Variants in RBFOX1 observed in about 807,000 individuals in gnomAD.
RBFOX1 encodes RNA binding fox-1 homolog 1.
A neutral mutation model predicts 57.7 loss-of-function variants in RBFOX1; 8 were observed. That is an observed-to-expected ratio of 0.14 (90% confidence interval 0.08 to 0.25). The LOEUF is 0.25. Among genes scored for constraint, RBFOX1 ranks in the 10% least tolerant of loss-of-function variants. The probability of loss-of-function intolerance (pLI) is 1.00; values close to 1 mark genes in which losing one functional copy is unlikely to be tolerated. For synonymous variants in RBFOX1, 326 were observed against 222.4 expected (o/e 1.47, Z -4.15); for missense variants, 611 against 548.5 (o/e 1.11, Z -1.14).
At chr16:5,944,707 C>T (rs935719309) in intron 4 of RBFOX1, among the ~76,000 whole-genome samples, 76 of 148,316 alleles carry the variant, frequency 5.1e-4, no homozygotes, top group African/African-American at 1.7e-3. Flanking sequence ...GTAATCCCAG[C>T]ACTTTGAGAG....
At chr16:5,753,414 G>C (rs2151625311) in intron 3 of RBFOX1, among the ~76,000 whole-genome samples, 1 of 152,256 alleles carries the variant, frequency 6.6e-6, no homozygotes, top group Admixed American at 6.5e-5. Flanking sequence ...TACTTGTGTA[G>C]AATTTTGGCT....
intron 2 of RBFOX1, among the ~76,000 whole-genome samples, chr16:6,606,633 A>T (rs932006415): frequency 6.6e-6 from 1 of 152,050 alleles, no homozygotes; most frequent in African/African-American, 2.4e-5. Context: ...TTTCTGTGTT[A>T]GTTTGCTAAG....
chr16:6,675,752 C>A (rs905303922), intron 3 of RBFOX1, among the ~76,000 whole-genome samples: 11 of 152,136 alleles, frequency 7.2e-5, no homozygotes, highest in Non-Finnish European at 8.8e-5. Context: ...ACCATCAGAT[C>A]TTGTGAGATT....
At chr16:6,518,472 A>G (rs537447884) in intron 2 of RBFOX1, among the ~76,000 whole-genome samples, 4 of 152,124 alleles carry the variant, frequency 2.6e-5, no homozygotes, top group Non-Finnish European at 5.9e-5. Context: ...TATTATACAG[A>G]TGGGCACACT....
chr16:6,822,973 C>T (rs1006905429), intron 3 of RBFOX1, among the ~76,000 whole-genome samples: 6 of 152,166 alleles, frequency 3.9e-5, no homozygotes, highest in Admixed American at 3.9e-4. Flanking sequence ...AAACGATGAT[C>T]CCTAACAGCT....
intron 3 of RBFOX1, among the ~76,000 whole-genome samples, chr16:6,745,813 G>A (rs890592611): frequency 2.6e-5 from 4 of 152,124 alleles, no homozygotes; most frequent in African/African-American, 7.2e-5. Flanking sequence ...GAGGTAAAAG[G>A]CATCTGTTTA....
chr16:6,833,791 A>C (rs569713094), intron 3 of RBFOX1, among the ~76,000 whole-genome samples: 1 of 152,334 alleles, frequency 6.6e-6, no homozygotes, highest in Admixed American at 6.5e-5. Flanking sequence ...GTGAAGGACT[A>C]GCATTGAGGT....
intron 3 of RBFOX1, among the ~76,000 whole-genome samples, chr16:5,847,661 C>T (rs1567619410): frequency 1.3e-5 from 2 of 151,872 alleles, no homozygotes; most frequent in African/African-American, 4.8e-5. Flanking sequence ...GCTATATGGC[C>T]CTCCGGAGGC....
At chr16:6,064,780 C>G (rs1260218325) in intron 1 of RBFOX1, among the ~76,000 whole-genome samples, 1 of 151,980 alleles carries the variant, frequency 6.6e-6, no homozygotes, top group Non-Finnish European at 1.5e-5. Context: ...TTCAGAAGGT[C>G]TTTTGTGTGT....
At chr16:6,895,413 AAT>A (rs199590751) in intron 3 of RBFOX1, among the ~76,000 whole-genome samples, 14,313 of 105,392 alleles carry the variant, frequency 0.14, 1,206 homozygotes, top group African/African-American at 0.2. Flanking sequence ...AGTTGTTAGT[AAT>A]ATATGTGTGT....
At chr16:5,784,129 A>G (rs2054417171) in intron 3 of RBFOX1, among the ~76,000 whole-genome samples, 1 of 152,176 alleles carries the variant, frequency 6.6e-6, no homozygotes, top group Non-Finnish European at 1.5e-5. Flanking sequence ...GAAGGTGAAG[A>G]GGAAGCAGGC....
intron 2 of RBFOX1, among the ~76,000 whole-genome samples, chr16:5,586,786 C>G (rs1158787290): frequency 2.6e-5 from 4 of 152,202 alleles, no homozygotes; most frequent in Non-Finnish European, 5.9e-5. Context: ...TGTAAGCCAC[C>G]ATGGCTGGCC....
chr16:6,745,551 C>G (rs1044139270), intron 3 of RBFOX1, among the ~76,000 whole-genome samples: 1 of 152,094 alleles, frequency 6.6e-6, no homozygotes, highest in African/African-American at 2.4e-5. Context: ...TGAACTAACA[C>G]AATTATTTTA....
intron 3 of RBFOX1, among the ~76,000 whole-genome samples, chr16:6,883,814 T>C (rs899920126): frequency 6.6e-6 from 1 of 152,018 alleles, no homozygotes; most frequent in African/African-American, 2.4e-5. Context: ...TTCTTTTCTC[T>C]ATTATTATCT....
At chr16:6,294,211 G>T (rs1458837187) in intron 1 of RBFOX1, among the ~76,000 whole-genome samples, 3 of 152,094 alleles carry the variant, frequency 2.0e-5, no homozygotes, top group African/African-American at 7.2e-5. Context: ...TTTTCTGCAT[G>T]GGGCCAAACA....
intron 13 of RBFOX1, among the ~76,000 whole-genome samples, chr16:7,672,420 C>T (rs2071771122): frequency 6.6e-6 from 1 of 152,020 alleles, no homozygotes; most frequent in Non-Finnish European, 1.5e-5. Flanking sequence ...TTTTTGTAAA[C>T]CATGAGAATT....
intron 4 of RBFOX1, among the ~76,000 whole-genome samples, chr16:7,282,253 C>A (rs993137191): frequency 6.6e-6 from 1 of 152,140 alleles, no homozygotes; most frequent in Non-Finnish European, 1.5e-5. Flanking sequence ...GACTAACAGT[C>A]AGAGGAACAA....
chr16:7,476,850 C>A (rs985901195), intron 4 of RBFOX1, among the ~76,000 whole-genome samples: 1 of 152,172 alleles, frequency 6.6e-6, no homozygotes, highest in Non-Finnish European at 1.5e-5. Flanking sequence ...GCTAACATTG[C>A]TTTTATGCTG....
At chr16:5,672,646 G>C (rs1238157351) in intron 3 of RBFOX1, among the ~76,000 whole-genome samples, 5 of 152,202 alleles carry the variant, frequency 3.3e-5, no homozygotes, top group Non-Finnish European at 7.3e-5. Context: ...GGGAGATGAA[G>C]ACTCATCCAT....
Sources: allele counts gnomAD v4.1 joint callset (sites outside exome capture counted in the v4.1 genomes callset), GRCh38; gene constraint gnomAD v4.1.1; transcripts MANE v1.5; gene names NCBI Gene and HGNC (gene_info 2026-07-23, HGNC 2026-07-21).